KLHL1: variants seen among roughly 807,000 people sequenced by gnomAD.
KLHL1 encodes kelch-like protein 1.
A neutral mutation model predicts 77.7 loss-of-function variants in KLHL1; 47 were observed. That is an observed-to-expected ratio of 0.60 (90% CI 0.48 to 0.77). The LOEUF (loss-of-function observed/expected upper bound fraction) is 0.77, where lower values mean the gene tolerates loss of function less well. Ranked by LOEUF, KLHL1 falls within the 30% of genes least tolerant of loss-of-function variation. The pLI, the probability that KLHL1 is intolerant of heterozygous loss-of-function variation, is 0.00. For synonymous variants in KLHL1, 360 were observed against 325.2 expected (o/e 1.11, Z -1.15); for missense variants, 925 against 910.8 (o/e 1.02, Z -0.20).
intron 7 of KLHL1, among the ~76,000 whole-genome samples, chr13:69,772,152 A>G (rs1323260250): frequency 6.6e-6 from 1 of 152,036 alleles, no homozygotes; most frequent in Non-Finnish European, 1.5e-5. Flanking sequence ...GGGTTTCACC[A>G]TGTTGGCCAA....
chr13:69,843,291 T>A (rs556091316), intron 5 of KLHL1, among the ~76,000 whole-genome samples: 1 of 151,472 alleles, frequency 6.6e-6, no homozygotes, highest in African/African-American at 2.4e-5. Context: ...AGAAAAAAAA[T>A]TAGAAATGTA....
At chr13:69,771,942 T>TATA (rs1173868808) in intron 7 of KLHL1, among the ~76,000 whole-genome samples, 2 of 151,834 alleles carry the variant, frequency 1.3e-5, no homozygotes, top group South Asian at 2.1e-4. Context: ...CAATAAATAG[T>TATA]ATAATAATAA....
chr13:69,944,978 CTTTTT>C (rs750774784), intron 3 of KLHL1, among the ~76,000 whole-genome samples: 2 of 79,862 alleles, frequency 2.5e-5, no homozygotes, highest in Non-Finnish European at 4.7e-5. Flanking sequence ...TATAAAACTT[CTTTTT>C]TTTTTTTTTT....
At chr13:69,892,015 A>G (rs1384369527) in intron 4 of KLHL1, among the ~76,000 whole-genome samples, 1 of 152,118 alleles carries the variant, frequency 6.6e-6, no homozygotes, top group East Asian at 1.9e-4. Flanking sequence ...TTAAACATGC[A>G]TGTATAAATT....
intron 1 of KLHL1, among the ~76,000 whole-genome samples, chr13:70,078,100 T>C (rs2137426712): frequency 6.6e-6 from 1 of 151,998 alleles, no homozygotes; most frequent in East Asian, 1.9e-4. Context: ...TTACCTGGCC[T>C]TAGCTGAGAA....
At chr13:69,809,901 C>T (rs187139702) in intron 6 of KLHL1, among the ~76,000 whole-genome samples, 1 of 151,336 alleles carries the variant, frequency 6.6e-6, no homozygotes, top group Non-Finnish European at 1.5e-5. Flanking sequence ...GATCACTATT[C>T]GTTTATCAGA....
intron 1 of KLHL1, among the ~76,000 whole-genome samples, chr13:69,992,769 C>T (rs538721957): frequency 3.3e-5 from 5 of 152,080 alleles, no homozygotes; most frequent in Admixed American, 6.6e-5. Flanking sequence ...CTTATACTAA[C>T]GCTCTTCCTT....
At chr13:69,998,774 C>A (rs1885217615) in intron 1 of KLHL1, among the ~76,000 whole-genome samples, 4 of 151,992 alleles carry the variant, frequency 2.6e-5, no homozygotes, top group South Asian at 2.1e-4. Flanking sequence ...CAGAAGGCTG[C>A]AATAAGGTTG....
intron 1 of KLHL1, among the ~76,000 whole-genome samples, chr13:70,018,988 T>C (rs1441559): frequency 0.54 from 82,791 of 152,154 alleles, 22,796 homozygotes; most frequent in Non-Finnish European, 0.58. Flanking sequence ...AGTAAGTCCA[T>C]GTAACATTTC....
chr13:70,039,972 A>C (rs1012093442), intron 1 of KLHL1, among the ~76,000 whole-genome samples: 3 of 151,978 alleles, frequency 2.0e-5, no homozygotes, highest in Non-Finnish European at 4.4e-5. Context: ...TTCCAGTGTA[A>C]ATCTTTCTGT....
chr13:69,785,102 C>T (rs1382499057), intron 7 of KLHL1, among the ~76,000 whole-genome samples: 58 of 151,650 alleles, frequency 3.8e-4, no homozygotes, highest in Admixed American at 2.9e-3. Context: ...CCATTTTAGC[C>T]GGGATGGTCT....
At chr13:69,982,437 AAATAATAATAATAATAATAAT>A (rs34183465) in intron 1 of KLHL1, among the ~76,000 whole-genome samples, 9 of 135,740 alleles carry the variant, frequency 6.6e-5, no homozygotes, top group East Asian at 2.1e-4. Flanking sequence ...CTCCATCTCC[AAATAATAATAATAATAATAAT>A]AATAATAATA....
intron 1 of KLHL1, among the ~76,000 whole-genome samples, chr13:70,043,228 A>T (rs1162965856): frequency 6.6e-6 from 1 of 151,046 alleles, no homozygotes; most frequent in Non-Finnish European, 1.5e-5. Context: ...TTAACAAACA[A>T]GTTTAAATAC....
intron 8 of KLHL1, among the ~76,000 whole-genome samples, chr13:69,735,556 A>C (rs76267086): frequency 0.018 from 2,746 of 149,328 alleles, 63 homozygotes; most frequent in African/African-American, 0.054. Flanking sequence ...TTAATGTATA[A>C]ATAGATATAA....
At chr13:69,818,744 A>G (rs539528711) in intron 6 of KLHL1, among the ~76,000 whole-genome samples, 15 of 152,256 alleles carry the variant, frequency 9.9e-5, no homozygotes, top group Admixed American at 7.8e-4. Context: ...GCTGTGTGCA[A>G]ACTGATGACC....
intron 1 of KLHL1, among the ~76,000 whole-genome samples, chr13:70,106,966 C>T (rs1002542907): frequency 6.6e-5 from 10 of 152,110 alleles, no homozygotes; most frequent in African/African-American, 2.4e-4. Context: ...CATGTAAGTT[C>T]AATTGGTGGC....
intron 9 of KLHL1, among the ~76,000 whole-genome samples, chr13:69,715,649 T>A (rs1024524207): frequency 6.6e-6 from 1 of 152,058 alleles, no homozygotes. Context: ...AATCCTCATA[T>A]TAACATGGTC....
intron 4 of KLHL1, among the ~76,000 whole-genome samples, chr13:69,930,435 A>G (rs1882964361): frequency 6.6e-6 from 1 of 151,836 alleles, no homozygotes; most frequent in African/African-American, 2.4e-5. Context: ...TTAAAAACCA[A>G]GCTTTAGAGT....
In KLHL1 at chr13:69,896,098, C is replaced by T. The variant is rs191052418; in HGVS notation, c.1015-13603G>A. Among the ~76,000 whole-genome samples, 305 of 151,986 alleles carry T rather than the reference C, an allele frequency of 2.0e-3. 2 individuals carry two copies. Among genetic ancestry groups the T allele is most frequent in the Middle Eastern group, 3.4e-3 (1 of 292 alleles). The stretch of plus-strand genomic sequence containing the variant: ...CTGAGGTCCCCTTTTTCTTGGTGGC[C>T]GTTGCCTGGAGGTCACTCAGCTTTT... On this transcript the variant is annotated intron_variant, in intron 4 of 10. Transcript: ENST00000377844.
Sources: allele counts gnomAD v4.1 joint callset (sites outside exome capture counted in the v4.1 genomes callset), GRCh38; gene constraint gnomAD v4.1.1; transcripts MANE v1.5; gene names NCBI Gene and HGNC (gene_info 2026-07-23, HGNC 2026-07-21).